The following CADM1 variants were observed in gnomAD, a reference collection of about 807,000 sequenced individuals.
The protein encoded by CADM1 is TSLC-1.
In CADM1, 15 loss-of-function variants were observed where a neutral mutation model predicts 53.1. That is an observed-to-expected ratio of 0.28 (90% confidence interval 0.19 to 0.44). The LOEUF (loss-of-function observed/expected upper bound fraction) is 0.44. CADM1 is among the 20% of genes least tolerant of loss of function. CADM1 has a pLI of 1.00. For missense variants in CADM1, 434 were observed against 611.3 expected, an observed-to-expected ratio of 0.71 and a Z score of 3.06; for synonymous variants, 281 against 243.0, an observed-to-expected ratio of 1.16 and a Z score of -1.45.
intron 5 of CADM1, among the ~76,000 whole-genome samples, chr11:115,222,464 C>A (rs763440934): frequency 6.6e-6 from 1 of 152,144 alleles, no homozygotes; most frequent in Non-Finnish European, 1.5e-5. Flanking sequence ...ACAGAGCTCT[C>A]AGAGGAGTTA....
chr11:115,230,101 A>T (rs1941762455), intron 4 of CADM1, among the ~76,000 whole-genome samples: 1 of 152,244 alleles, frequency 6.6e-6, no homozygotes. Context: ...TCACTTAGAC[A>T]GAAAAGCAGA....
chr11:115,503,739 G>T (rs1949787024), intron 1 of CADM1, among the ~76,000 whole-genome samples: 1 of 152,136 alleles, frequency 6.6e-6, no homozygotes, highest in Admixed American at 6.5e-5. Context: ...GGGGAGATCA[G>T]ACAAGTCTGG....
intron 1 of CADM1, among the ~76,000 whole-genome samples, chr11:115,345,068 T>C (rs1201521246): frequency 6.6e-6 from 1 of 152,150 alleles, no homozygotes; most frequent in Non-Finnish European, 1.5e-5. Flanking sequence ...AAGCACCATC[T>C]GGGCTGCAAC....
chr11:115,418,996 A>T (rs998410158), intron 1 of CADM1, among the ~76,000 whole-genome samples: 2 of 152,230 alleles, frequency 1.3e-5, no homozygotes, highest in East Asian at 3.8e-4. Flanking sequence ...ATTGGGTCCC[A>T]TAAATGAATG....
At chr11:115,302,408 G>C (rs1944251155) in intron 1 of CADM1, among the ~76,000 whole-genome samples, 1 of 151,960 alleles carries the variant, frequency 6.6e-6, no homozygotes, top group Non-Finnish European at 1.5e-5. Flanking sequence ...AATAGCAAGT[G>C]CATTTTTTAA....
intron 5 of CADM1, among the ~76,000 whole-genome samples, chr11:115,226,889 A>G (rs1253437858): frequency 6.6e-6 from 1 of 152,242 alleles, no homozygotes; most frequent in Admixed American, 6.5e-5. Context: ...CTGACTCTGC[A>G]AAGTTCTCAA....
At chr11:115,274,680 G>A (rs1295930150) in intron 1 of CADM1, among the ~76,000 whole-genome samples, 3 of 152,182 alleles carry the variant, frequency 2.0e-5, no homozygotes, top group Admixed American at 1.3e-4. Flanking sequence ...ACCACAGGAC[G>A]AGATTTTGAT....
At chr11:115,377,643 T>C (rs1448641445) in intron 1 of CADM1, 1 of 152,216 alleles carries the variant, frequency 6.6e-6, no homozygotes, top group African/African-American at 2.4e-5. Flanking sequence ...ATAATTCATA[T>C]ACCTAGGCCT....
At chr11:115,194,739 C>T (rs1940067264) in intron 9 of CADM1, among the ~76,000 whole-genome samples, 1 of 152,082 alleles carries the variant, frequency 6.6e-6, no homozygotes, top group African/African-American at 2.4e-5. Context: ...GACTGCAGTG[C>T]AGCAAAAGCA....
At chr11:115,310,284 T>A (rs1944497123) in intron 1 of CADM1, among the ~76,000 whole-genome samples, 2 of 152,246 alleles carry the variant, frequency 1.3e-5, no homozygotes, top group African/African-American at 4.8e-5. Context: ...ATTATATTGA[T>A]GAAAATATTC....
chr11:115,324,292 T>C (rs373756679), intron 1 of CADM1, among the ~76,000 whole-genome samples: 15 of 152,336 alleles, frequency 9.8e-5, no homozygotes, highest in African/African-American at 3.1e-4. Context: ...CTTTCTTTGC[T>C]ATGTAGGTTT....
At chr11:115,441,526 T>C (rs560456392) in intron 1 of CADM1, among the ~76,000 whole-genome samples, 22 of 152,320 alleles carry the variant, frequency 1.4e-4, no homozygotes, top group Middle Eastern at 6.8e-3. Context: ...TGGTTTTCTA[T>C]CATGAAATAA....
intron 10 of CADM1, among the ~76,000 whole-genome samples, chr11:115,182,709 G>A (rs1247657487): frequency 1.3e-5 from 2 of 152,164 alleles, no homozygotes; most frequent in African/African-American, 4.8e-5. Context: ...GTAGTCGAGG[G>A]CTTCAGGGCG....
intron 5 of CADM1, among the ~76,000 whole-genome samples, chr11:115,220,562 A>G (rs930078672): frequency 6.6e-6 from 1 of 152,202 alleles, no homozygotes; most frequent in East Asian, 1.9e-4. Context: ...GCTGGCTGAA[A>G]AGGTAAGCGT....
intron 1 of CADM1, among the ~76,000 whole-genome samples, chr11:115,263,092 G>A (rs901164271): frequency 1.4e-4 from 21 of 152,174 alleles, no homozygotes; most frequent in South Asian, 2.1e-4. Context: ...AGAATGCCAC[G>A]GAGGCGACGC....
chr11:115,408,008 TA>T (rs1947361942), intron 1 of CADM1, among the ~76,000 whole-genome samples: 1 of 149,976 alleles, frequency 6.7e-6, no homozygotes, highest in Admixed American at 6.7e-5. Flanking sequence ...CTTCTTGCTC[TA>T]AAAGGGCTGG....
At chr11:115,258,414 T>G (rs12281948) in intron 1 of CADM1, among the ~76,000 whole-genome samples, 1 of 152,208 alleles carries the variant, frequency 6.6e-6, no homozygotes, top group African/African-American at 2.4e-5. Context: ...AGTTCTTATC[T>G]GTCACAAACC....
intron 1 of CADM1, among the ~76,000 whole-genome samples, chr11:115,490,922 C>T (rs1248501779): frequency 2.6e-5 from 4 of 152,144 alleles, no homozygotes; most frequent in African/African-American, 9.7e-5. Flanking sequence ...TAAATGAGAT[C>T]ATGAATACAG....
At chr11:115,368,062 T>G (rs1565390350) in intron 1 of CADM1, among the ~76,000 whole-genome samples, 1 of 151,252 alleles carries the variant, frequency 6.6e-6, no homozygotes, top group African/African-American at 2.4e-5. Context: ...CTCTCACATT[T>G]CATTAAAAAC....
Sources: gnomAD v4.1 joint callset for allele counts (sites outside exome capture counted in the v4.1 genomes callset) on GRCh38, gnomAD v4.1.1 for gene constraint, MANE v1.5 for transcripts, NCBI Gene and HGNC (gene_info 2026-07-23, HGNC 2026-07-21) for gene names.